The following LSM6 variants were observed in gnomAD, a reference collection of about 807,000 sequenced individuals.
LSM6 encodes U6 snRNA-associated Sm-like protein LSm6.
In LSM6, 2 loss-of-function variants were observed where a neutral mutation model predicts 13.5. The observed-to-expected ratio is 0.15, with a 90% confidence interval of 0.06 to 0.47. The LOEUF is 0.47. Among genes scored for constraint, LSM6 ranks in the 20% least tolerant of loss-of-function variants. The probability of loss-of-function intolerance (pLI) is 0.97; values close to 1 mark genes in which losing one functional copy is unlikely to be tolerated. For synonymous variants in LSM6, 43 were observed against 34.9 expected (o/e 1.23, Z -0.82); for missense variants, 58 against 96.4 (o/e 0.60, Z 1.67).
Position 146,184,486 on chromosome 4 carries a change from C to T in LSM6, c.94+1471C>T, listed in dbSNP as rs552330827. ...TCCTTTAGCTTCTTGACATTAATAA[C>T]GTATCTCCAGTTTAATTTTATTTTT... On this transcript the variant is annotated intron_variant, in intron 2 of 3. Coordinates refer to ENST00000296581, the MANE Select transcript of LSM6 (RefSeq NM_007080.3). Among the ~76,000 whole-genome samples the T allele has an allele frequency of 8.0e-4, 122 of 152,224 alleles. 1 individual carries two copies. The South Asian group carries it at 0.011, about 14-fold the overall frequency.
chr4:146,179,761 C>T (rs1040690877), intron 1 of LSM6, among the ~76,000 whole-genome samples: 4 of 152,226 alleles, frequency 2.6e-5, no homozygotes, highest in Admixed American at 2.0e-4. Context: ...AGATGGGCAT[C>T]TGCACTCTGC....
chr4:146,188,013 C>A (rs1281377368), intron 3 of LSM6, among the ~76,000 whole-genome samples: 1 of 152,008 alleles, frequency 6.6e-6, no homozygotes, highest in African/African-American at 2.4e-5. Flanking sequence ...CTTTTTGGTT[C>A]CATCTCCCAG....
At chr4:146,176,166 A>T (rs1356090021) in intron 1 of LSM6, 1 of 152,278 alleles carries the variant, frequency 6.6e-6, no homozygotes, top group Non-Finnish European at 1.5e-5. Flanking sequence ...GAAGTTCCCC[A>T]GGGAGCCCCG....
chr4:146,187,999 C>G (rs1730385137), intron 3 of LSM6, among the ~76,000 whole-genome samples: 1 of 151,682 alleles, frequency 6.6e-6, no homozygotes, highest in African/African-American at 2.4e-5. Flanking sequence ...TGAGAATTAC[C>G]CCACTTTTTG....
intron 2 of LSM6, among the ~76,000 whole-genome samples, chr4:146,185,037 G>C (rs906956954): frequency 6.6e-6 from 1 of 151,920 alleles, no homozygotes; most frequent in African/African-American, 2.4e-5. Context: ...CCATGGTTTT[G>C]CTTTTACTGT....
In LSM6 at chr4:146,179,557, A is replaced by AT. The variant is rs200353684; in HGVS notation, c.-10-3347dup. Among the ~76,000 whole-genome samples, 30 of 152,136 alleles carry AT rather than the reference A, an allele frequency of 2.0e-4. No individual in the cohort carries two copies. The East Asian group carries it at 3.7e-3, about 19-fold the overall frequency. On this transcript the variant is annotated intron_variant, in intron 1 of 3. Transcript: ENST00000296581. ...CTCTTTTCCAAATAACCTTAGAAGT[A>AT]TTTTTTTTCCAAGAGGTTTAGTAGA...
chr4:146,190,541 G>A lies in LSM6; in HGVS notation c.*885G>A, dbSNP rs1254993204. ...TTTTCCTAACTCTGGTCTAGCAAGT[G>A]GCTGTAGGGAGGCCTTTCTCAAAAA... is the stretch of plus-strand genomic sequence containing the variant. On this transcript the variant is annotated 3_prime_UTR_variant, in exon 4 of 4. Transcript: ENST00000296581. The A allele has an allele frequency of 1.3e-5, 2 of 152,232 alleles. No homozygotes were observed. Among genetic ancestry groups the A allele is most frequent in the Non-Finnish European group, 2.9e-5 (2 of 68,066 alleles). The allele number at this position is 152,232 out of a possible 1,614,324, so 9.4% of individuals were successfully genotyped here.
intron 1 of LSM6, among the ~76,000 whole-genome samples, chr4:146,182,165 TTCA>T (rs1730246458): frequency 6.6e-6 from 1 of 151,166 alleles, no homozygotes; most frequent in African/African-American, 2.5e-5. Context: ...TGTCTTCTTC[TTCA>T]TGTGTAAAAT....
At chr4:146,183,091 TAAGTATACCCA>T in intron 2 of LSM6, 76 bp downstream of exon 2, 1 of 1,104,380 alleles carries the variant, frequency 9.1e-7, no homozygotes, top group Non-Finnish European at 1.4e-6. Flanking sequence ...ATTAACCTCT[TAAGTATACCCA>T]ATAGGCCAAA....
In LSM6 at chr4:146,190,570, G is replaced by T; in HGVS notation, c.*914G>T. ...GTAGGGAGGCCTTTCTCAAAAATCA[G>T]CTGTATTTGCCTTTGACATTGTCCA... On this transcript the variant is annotated 3_prime_UTR_variant, in exon 4 of 4. Transcript: ENST00000296581. 1 of 152,372 alleles carries T rather than the reference G, an allele frequency of 6.6e-6. No individual in the cohort carries two copies. Among genetic ancestry groups the T allele is most frequent in the Non-Finnish European group, 1.5e-5 (1 of 68,062 alleles). 9.4% of individuals were successfully genotyped at this position (152,372 alleles called of 1,614,324 possible).
intron 1 of LSM6, chr4:146,181,426 C>T (rs1730228014): frequency 1.3e-5 from 2 of 152,122 alleles, no homozygotes. Flanking sequence ...AATTTCCTTG[C>T]TCAGTGTGTA....
At chr4:146,177,422 A>C (rs1730135557) in intron 1 of LSM6, among the ~76,000 whole-genome samples, 1 of 152,212 alleles carries the variant, frequency 6.6e-6, no homozygotes, top group Non-Finnish European at 1.5e-5. Flanking sequence ...TTCATGGCCA[A>C]GACTAGAAAT....
intron 1 of LSM6, 114 bp from the exon 2 acceptor site, chr4:146,182,798 G>A (rs1250119780): frequency 2.9e-5 from 19 of 649,150 alleles, no homozygotes; most frequent in East Asian, 1.7e-4. Context: ...GCGTCTTCTC[G>A]CATGGTCCTT....
At chr4:146,180,362 T>G (rs953764591) in intron 1 of LSM6, among the ~76,000 whole-genome samples, 1 of 152,244 alleles carries the variant, frequency 6.6e-6, no homozygotes, top group Non-Finnish European at 1.5e-5. Context: ...GTTGGAAGTG[T>G]TGATTGCCTT....
In LSM6 at chr4:146,188,308, C is replaced by T. The variant is rs182031006; in HGVS notation, c.208+921C>T. Among the ~76,000 whole-genome samples the T allele has an allele frequency of 1.1e-4, 16 of 152,014 alleles. No individual in the cohort carries two copies. The East Asian group carries it at 2.5e-3, about 24-fold the overall frequency. ...AAGAAATGTTATGATCTTGTCTCAC[C>T]TCAAGACAGCTAATGGCAGCAGTCA... On this transcript the variant is annotated intron_variant, in intron 3 of 3. Coordinates refer to ENST00000296581, the MANE Select transcript of LSM6 (RefSeq NM_007080.3).
rs763312701 is a variant in LSM6 at position 146,187,368 on chromosome 4, A to C, written c.189A>C (p.Ala63=). Residue 63 remains alanine (A), a synonymous_variant, in exon 3 of 4, where the codon GCA becomes GCC. Coordinates refer to ENST00000296581, the MANE Select transcript of LSM6 (RefSeq NM_007080.3). The part of the protein sequence containing the change: ...NGQLKNKYGD[A]FIRGNNVLYI... ...AACTGAAGAATAAGTATGGGGATGC[A>C]TTTATCCGAGGAAACAATGGTAACA... The C allele has an allele frequency of 1.9e-6, 3 of 1,608,294 alleles. No individual in the cohort carries two copies. Among genetic ancestry groups the C allele is most frequent in the South Asian group, 2.2e-5 (2 of 90,932 alleles).
intron 2 of LSM6, among the ~76,000 whole-genome samples, chr4:146,184,053 TG>T (rs1352790331): frequency 6.6e-6 from 1 of 152,036 alleles, no homozygotes; most frequent in African/African-American, 2.4e-5. Flanking sequence ...CAGGTTCAGT[TG>T]TCTGGTGAGG....
intron 1 of LSM6, among the ~76,000 whole-genome samples, chr4:146,180,670 C>G (rs1445478839): frequency 6.6e-6 from 1 of 152,108 alleles, no homozygotes; most frequent in Non-Finnish European, 1.5e-5. Flanking sequence ...TCTCCATGAA[C>G]TAGAATCACA....
Position 146,189,938 on chromosome 4 carries a change from T to A in LSM6, c.*282T>A. On this transcript the variant is annotated 3_prime_UTR_variant, in exon 4 of 4. Coordinates refer to ENST00000296581, the MANE Select transcript of LSM6 (RefSeq NM_007080.3). ...ACCTCTTCCTACAAGATTATTTAAC[T>A]TAAGTTTCGAGAAGTGTCATTTCAT... The A allele has an allele frequency of 3.2e-6, 1 of 314,572 alleles. No homozygotes were observed. 19.5% of individuals were successfully genotyped at this position (314,572 alleles called of 1,614,324 possible).
Sources: gnomAD v4.1 joint callset for allele counts (sites outside exome capture counted in the v4.1 genomes callset) on GRCh38, gnomAD v4.1.1 for gene constraint, MANE v1.5 for transcripts, NCBI Gene and HGNC (gene_info 2026-07-23, HGNC 2026-07-21) for gene names.